The following EYA1 variants were observed in gnomAD, a reference collection of about 807,000 sequenced individuals.
EYA1 encodes the protein EYA transcriptional coactivator and phosphatase 1.
EYA1 carries 16 observed loss-of-function variants against 82.0 expected under a neutral mutation model. That is an observed-to-expected ratio of 0.20 (90% CI 0.13 to 0.30). EYA1 has a LOEUF of 0.30. Ranked by LOEUF, EYA1 falls within the 10% of genes least tolerant of loss-of-function variation. The pLI, the probability that EYA1 is intolerant of heterozygous loss-of-function variation, is 1.00. For synonymous variants in EYA1, 261 were observed against 264.4 expected (o/e 0.99, Z 0.12); for missense variants, 633 against 730.7 (o/e 0.87, Z 1.54).
At chr8:71,257,804 G>C (rs543692665) in intron 11 of EYA1, among the ~76,000 whole-genome samples, 1 of 152,176 alleles carries the variant, frequency 6.6e-6, no homozygotes, top group Non-Finnish European at 1.5e-5. Flanking sequence ...AGAAATCCCG[G>C]TGTAATTTAA....
At chr8:71,407,181 A>G (rs75661916) in intron 2 of EYA1, among the ~76,000 whole-genome samples, 26,271 of 138,628 alleles carry the variant, frequency 0.19, 1,039 homozygotes, top group Middle Eastern at 0.3. Flanking sequence ...TTAGAAGGAA[A>G]ACTAACAAAC....
intron 17 of EYA1, among the ~76,000 whole-genome samples, chr8:71,202,719 G>A (rs541687348): frequency 1.3e-5 from 2 of 152,274 alleles, no homozygotes; most frequent in East Asian, 1.9e-4. Context: ...CACCCACAAG[G>A]ATAGCAACTC....
At chr8:71,391,924 C>G (rs1207582562) in intron 2 of EYA1, among the ~76,000 whole-genome samples, 2 of 152,180 alleles carry the variant, frequency 1.3e-5, no homozygotes, top group Non-Finnish European at 2.9e-5. Flanking sequence ...TTTCTAGAAT[C>G]CCACTGCACC....
Position 71,316,746 on chromosome 8 carries a change from T to C in EYA1, c.556+806A>G, listed in dbSNP as rs567163445. ...ATCAGGGATTTAATTCAACTATGGATTGGCACTATTAGGAGGCCAAATATG... is the reference window on the plus strand; with the variant it reads ...ATCAGGGATTTAATTCAACTATGGACTGGCACTATTAGGAGGCCAAATATG... On this transcript the variant is annotated intron_variant, in intron 7 of 17. Coordinates refer to ENST00000340726, the MANE Select transcript of EYA1 (RefSeq NM_000503.6). Among the ~76,000 whole-genome samples the C allele has an allele frequency of 1.8e-4, 28 of 152,308 alleles. No homozygotes were observed. The Middle Eastern group carries it at 0.014, about 74-fold the overall frequency.
chr8:71,434,786 G>A (rs990437233), intron 2 of EYA1, among the ~76,000 whole-genome samples: 1 of 152,142 alleles, frequency 6.6e-6, no homozygotes, highest in East Asian at 1.9e-4. Flanking sequence ...AAAGATCTAA[G>A]TGTAATTTTT....
intron 12 of EYA1, 31 bp from the exon 13 acceptor site, chr8:71,217,054 T>C (rs1487807734): frequency 6.5e-7 from 1 of 1,547,718 alleles, no homozygotes; most frequent in Admixed American, 1.7e-5. Context: ...TACATGTCAA[T>C]TTTTTAAGAG....
chr8:71,216,544 A>G, intron 14 of EYA1, 148 bp downstream of exon 14: 1 of 853,538 alleles, frequency 1.2e-6, no homozygotes, highest in Non-Finnish European at 1.9e-6. Flanking sequence ...TTCTGTCACT[A>G]AATCACAGCA....
At chr8:71,490,796 C>G (rs1810935307) in intron 2 of EYA1, among the ~76,000 whole-genome samples, 1 of 152,116 alleles carries the variant, frequency 6.6e-6, no homozygotes, top group African/African-American at 2.4e-5. Context: ...AGCTGTTTAG[C>G]AGAGAAGGTT....
At chr8:71,320,164 C>T (rs534356394) in intron 6 of EYA1, among the ~76,000 whole-genome samples, 3 of 152,220 alleles carry the variant, frequency 2.0e-5, no homozygotes, top group Admixed American at 6.5e-5. Flanking sequence ...ACTGGAGGAA[C>T]CCCTAACCCA....
intron 17 of EYA1, among the ~76,000 whole-genome samples, chr8:71,210,374 G>A (rs1029355347): frequency 2.0e-5 from 3 of 152,210 alleles, no homozygotes; most frequent in Non-Finnish European, 4.4e-5. Context: ...TGTGGGGCAT[G>A]GTCAAGGAAA....
intron 2 of EYA1, among the ~76,000 whole-genome samples, chr8:71,444,493 A>G (rs534685477): frequency 1.3e-5 from 2 of 152,350 alleles, no homozygotes; most frequent in Admixed American, 6.5e-5. Flanking sequence ...GATTTTTGGC[A>G]CTAAAAATGT....
chr8:71,271,312 T>C (rs1224067988), intron 10 of EYA1, among the ~76,000 whole-genome samples: 4 of 152,204 alleles, frequency 2.6e-5, no homozygotes, highest in Non-Finnish European at 5.9e-5. Flanking sequence ...TTTTAGTTAT[T>C]TGAAAATGTA....
Position 71,493,358 on chromosome 8 carries a change from C to T in EYA1, c.33+42386G>A, listed in dbSNP as rs145040183. ...TGCCAGCCCCACTGCCCTACCTCTACGGCTGGCTGAAACATGCTCTTAGCA... is the reference window on the plus strand; with the variant it reads ...TGCCAGCCCCACTGCCCTACCTCTATGGCTGGCTGAAACATGCTCTTAGCA... On this transcript the variant is annotated intron_variant, in intron 2 of 18. Transcript: ENST00000643681. Among the ~76,000 whole-genome samples, 452 of 152,322 alleles carry T rather than the reference C, an allele frequency of 3.0e-3. 2 individuals carry two copies. The highest frequency in any genetic ancestry group is 4.8e-3 in the Non-Finnish European group (324 of 68,038).
chr8:71,314,247 C>T (rs1029206705), intron 7 of EYA1, among the ~76,000 whole-genome samples: 1 of 152,140 alleles, frequency 6.6e-6, no homozygotes, highest in African/African-American at 2.4e-5. Flanking sequence ...GGTCAACAGA[C>T]TCCCGCAACT....
At chr8:71,542,003 C>G (rs1180979910) in intron 1 of EYA1, among the ~76,000 whole-genome samples, 1 of 152,152 alleles carries the variant, frequency 6.6e-6, no homozygotes, top group East Asian at 1.9e-4. Context: ...AAATTAATGA[C>G]TACACCTAAA....
chr8:71,505,945 A>G (rs911099621), intron 2 of EYA1, among the ~76,000 whole-genome samples: 4 of 152,156 alleles, frequency 2.6e-5, no homozygotes, highest in African/African-American at 9.6e-5. Context: ...CATGAAACTG[A>G]TGGTTTTATA....
intron 2 of EYA1, among the ~76,000 whole-genome samples, chr8:71,417,244 C>T (rs1010894539): frequency 9.9e-5 from 15 of 152,170 alleles, no homozygotes; most frequent in African/African-American, 2.2e-4. Context: ...ATACATCTAT[C>T]CTATTAGTTC....
rs765780157 is a variant in EYA1, at chr8:71,299,630, TA to T, written c.639+7del. ...TTTTTCAGAAGTTAAACTGGCTTTTTAAATTACCTGCTGTGAACTATTAAAT... is the reference window on the plus strand; with the variant it reads ...TTTTTCAGAAGTTAAACTGGCTTTTTAATTACCTGCTGTGAACTATTAAAT... On this transcript the variant is annotated splice_region_variant and intron_variant, in intron 8 of 17. Coordinates refer to ENST00000340726, the MANE Select transcript of EYA1 (RefSeq NM_000503.6). 6.7e-7 allele frequency: 1 copy of T among 1,502,356 alleles called. No homozygotes were observed. The highest frequency in any genetic ancestry group is 1.1e-5 in the South Asian group (1 of 88,758). The allele number at this position is 1,502,356 out of a possible 1,614,324, so 93.1% of individuals were successfully genotyped here. A position where few individuals can be genotyped will look rare whatever the true frequency, so the allele number is the denominator to read the frequency against.
intron 11 of EYA1, among the ~76,000 whole-genome samples, chr8:71,248,604 G>A (rs372774213): frequency 6.6e-5 from 10 of 152,284 alleles, no homozygotes; most frequent in African/African-American, 2.4e-4. Flanking sequence ...GACCCAGCAA[G>A]CAGAGTGCAA....
Sources: gnomAD v4.1 joint callset for allele counts (sites outside exome capture counted in the v4.1 genomes callset) on GRCh38, gnomAD v4.1.1 for gene constraint, MANE v1.5 for transcripts, NCBI Gene and HGNC (gene_info 2026-07-23, HGNC 2026-07-21) for gene names.